The following SOWAHB variants were observed in gnomAD, a reference collection of about 807,000 sequenced individuals.
SOWAHB encodes the protein sosondowah ankyrin repeat domain family member B.
A neutral mutation model predicts 18.3 loss-of-function variants in SOWAHB; 17 were observed. The observed-to-expected ratio is 0.93, with a 90% confidence interval of 0.64 to 1.40. The LOEUF (loss-of-function observed/expected upper bound fraction) is 1.40, where lower values mean the gene tolerates loss of function less well. Ranked by LOEUF, SOWAHB falls within the 40% of genes most tolerant of loss-of-function variation. The pLI, the probability that SOWAHB is intolerant of heterozygous loss-of-function variation, is 0.00. For missense variants in SOWAHB, 1,126 were observed against 1,033.7 expected (o/e 1.09, Z -1.22); for synonymous variants, 496 against 448.1 (o/e 1.11, Z -1.35).
rs1719969023 is a variant in SOWAHB, at chr4:76,897,696, T to C, written c.154A>G (p.Lys52Glu). ...SQHQHRRELF[K>E]GFVNSVAAVR... ...GCGGCGACCGAGTTGACGAAGCCCT[T>C]GAAGAGCTCGCGGCGGTGCTGGTGC... Residue 52 changes from lysine to glutamate, a missense_variant, in exon 1 of 1, where the codon AAG becomes GAG. Transcript: ENST00000334306. The surrounding 1 kb of genome is among the most constrained non-coding windows in gnomAD (Gnocchi z 6.4). 3.1e-6 allele frequency: 5 copies of C among 1,611,738 alleles called. No homozygotes were observed. Among genetic ancestry groups the C allele is most frequent in the Non-Finnish European group, 4.2e-6 (5 of 1,179,860 alleles).
Position 76,897,356 on chromosome 4 carries a change from C to G in SOWAHB, c.494G>C (p.Gly165Ala). The part of the protein sequence containing the change: ...RAPGKGGGSK[G>A]SPGQRPPVPA... ...CACCGGCGGCCTCTGTCCGGGACTG[C>G]CCTTCGATCCGCCGCCCTTCCCGGG... The change falls in exon 1 of 1, where the codon GGC (glycine) becomes GCC (alanine). Residue 165 changes from glycine to alanine, a missense_variant. Gly to Ala is a moderately conservative substitution (Grantham distance 60). Coordinates refer to ENST00000334306, the MANE Select transcript of SOWAHB (RefSeq NM_001029870.3). The surrounding 1 kb of genome is among the most constrained non-coding windows in gnomAD (Gnocchi z 6.4). 6.5e-7 allele frequency: 1 copy of G among 1,532,078 alleles called. No homozygotes were observed. The highest frequency in any genetic ancestry group is 8.7e-7 in the Non-Finnish European group (1 of 1,146,072). 94.9% of individuals were successfully genotyped at this position (1,532,078 alleles called of 1,614,324 possible). A position where few individuals can be genotyped will look rare whatever the true frequency, so the allele number is the denominator to read the frequency against.
Position 76,895,998 on chromosome 4 carries a change from C to A in SOWAHB, c.1852G>T (p.Glu618Ter). 1 of 1,613,898 alleles carries A rather than the reference C, an allele frequency of 6.2e-7. No homozygotes were observed. Among genetic ancestry groups the A allele is most frequent in the Non-Finnish European group, 8.5e-7 (1 of 1,180,004 alleles). Residue 618 changes from glutamate (E) to a stop codon, truncating the protein, a stop_gained, in exon 1 of 1, where the codon GAG becomes TAG. Transcript: ENST00000334306. LOFTEE classifies it high-confidence loss of function. ...TTGTGCAAGGCCAGTTGAGGGTCCT[C>A]CCAGAACAAAGTCCACACCTGAATC... ...SWIQVWTLFW[E>*]DPQLALHKDF...
At position 76,894,192 on chromosome 4, in the gene SOWAHB, C is replaced by A. The variant is rs961970591; in HGVS notation, c.*1276G>T. 5.9e-5 allele frequency among the ~76,000 whole-genome samples: 9 copies of A among 152,202 alleles called. No individual in the cohort carries two copies. Among genetic ancestry groups the A allele is most frequent in the Non-Finnish European group, 8.8e-5 (6 of 67,988 alleles). ...AGATCTATTGATCTTTTAATGGGGGCAAATAACCAGAAGAAACACAAAAAG... is the reference window on the plus strand; with the variant it reads ...AGATCTATTGATCTTTTAATGGGGGAAAATAACCAGAAGAAACACAAAAAG... On this transcript the variant is annotated 3_prime_UTR_variant, in exon 1 of 1. Coordinates refer to ENST00000334306, the MANE Select transcript of SOWAHB (RefSeq NM_001029870.3).
chr4:76,896,950 CTGCAGGGTCGAATAA>C lies in SOWAHB; in HGVS notation c.885_899del (p.His295_Leu299del), dbSNP rs568457238. 6,750 of 1,605,424 alleles carry C rather than the reference CTGCAGGGTCGAATAA, an allele frequency of 4.2e-3. 18 individuals carry two copies. The highest frequency in any genetic ancestry group is 4.7e-3 in the Non-Finnish European group (5,512 of 1,176,748). ...ACTCTCGAGTGCGCTGCTGCTGCTG[CTGCAGGGTCGAATAA>C]TGCAGGGAGCTGGGGGTCAGCAGCT... is the stretch of plus-strand genomic sequence containing the variant. On this transcript the variant is annotated inframe_deletion, in exon 1 of 1. Coordinates refer to ENST00000334306, the MANE Select transcript of SOWAHB (RefSeq NM_001029870.3).
In SOWAHB at chr4:76,897,190, G is replaced by C. The variant is rs769737922; in HGVS notation, c.660C>G (p.Thr220=). Residue 220 remains threonine, a synonymous_variant, in exon 1 of 1, where the codon ACC becomes ACG. Transcript: ENST00000334306. The surrounding 1 kb of genome is among the most constrained non-coding windows in gnomAD (Gnocchi z 6.4). The part of the protein sequence containing the change: ...GELGALPHSA[T]AEEKPARALP... Reference sequence around the variant, plus strand: ...GAGCCCGTGCCGGCTTCTCCTCCGCGGTGGCCGAGTGCGGGAGTGCGCCGA... The same window carrying C: ...GAGCCCGTGCCGGCTTCTCCTCCGCCGTGGCCGAGTGCGGGAGTGCGCCGA... 19 of 1,578,592 alleles carry C rather than the reference G, an allele frequency of 1.2e-5. No individual in the cohort carries two copies. Among genetic ancestry groups the C allele is most frequent in the Non-Finnish European group, 1.5e-5 (18 of 1,170,776 alleles).
chr4:76,897,437 G>A lies in SOWAHB; in HGVS notation c.413C>T (p.Ala138Val). 1.3e-6 allele frequency: 2 copies of A among 1,512,524 alleles called. No individual in the cohort carries two copies. Among genetic ancestry groups the A allele is most frequent in the South Asian group, 1.2e-5 (1 of 81,382 alleles). 93.7% of individuals were successfully genotyped at this position (1,512,524 alleles called of 1,614,324 possible). The change falls in exon 1 of 1, where the codon GCC (alanine) becomes GTC (valine). Residue 138 changes from alanine to valine, a missense_variant. Coordinates refer to ENST00000334306, the MANE Select transcript of SOWAHB (RefSeq NM_001029870.3). This position sits in a 1 kb window ranked among gnomAD's most constrained non-coding sequence, Gnocchi z 6.4. ...EPEEEPAGAA[A>V]RAADAACNGL... ...ATTGCAAGCTGCGTCGGCGGCTCTG[G>A]CTGCTGCACCTGCTGGCTCCTCCTC...
rs1436627036 is a variant in SOWAHB at position 76,896,936 on chromosome 4, C to T, written c.914G>A (p.Arg305His). 5 of 1,608,384 alleles carry T rather than the reference C, an allele frequency of 3.1e-6. No homozygotes were observed. The highest frequency in any genetic ancestry group is 1.3e-5 in the African/African-American group (1 of 74,792). ...HYSTLQQQQQ[R>H]TREWVARHPQ... Reference sequence around the variant, plus strand: ...GTGCCTGGCCACCCACTCTCGAGTGCGCTGCTGCTGCTGCTGCAGGGTCGA... The same window carrying T: ...GTGCCTGGCCACCCACTCTCGAGTGTGCTGCTGCTGCTGCTGCAGGGTCGA... The change falls in exon 1 of 1, where the codon CGC becomes CAC. Residue 305 changes from arginine to histidine, a missense_variant. Arg to His is a conservative substitution (Grantham distance 29). Transcript: ENST00000334306.
chr4:76,895,431 G>T lies in SOWAHB; in HGVS notation c.*37C>A. Reference sequence around the variant, plus strand: ...TGAATTCTCTCACTGAGCAGGATGAGGGAGTGCTGCCTGCATGTTGGACAG... The same window carrying T: ...TGAATTCTCTCACTGAGCAGGATGATGGAGTGCTGCCTGCATGTTGGACAG... On this transcript the variant is annotated 3_prime_UTR_variant, in exon 1 of 1. Coordinates refer to ENST00000334306, the MANE Select transcript of SOWAHB (RefSeq NM_001029870.3). 1.3e-6 allele frequency: 2 copies of T among 1,530,644 alleles called. No homozygotes were observed. Among genetic ancestry groups the T allele is most frequent in the South Asian group, 1.3e-5 (1 of 77,944 alleles). 94.8% of individuals were successfully genotyped at this position (1,530,644 alleles called of 1,614,324 possible).
chr4:76,897,710 C>T lies in SOWAHB; in HGVS notation c.140G>A (p.Arg47His), dbSNP rs143856345. 5.5e-5 allele frequency: 88 copies of T among 1,611,232 alleles called. No homozygotes were observed. The African/African-American group carries it at 1.0e-3, about 18-fold the overall frequency. Residue 47 changes from arginine (R) to histidine (H), a missense_variant, in exon 1 of 1, where the codon CGC becomes CAC. Transcript: ENST00000334306. This position sits in a 1 kb window ranked among gnomAD's most constrained non-coding sequence, Gnocchi z 6.4. The stretch of plus-strand genomic sequence containing the variant: ...GACGAAGCCCTTGAAGAGCTCGCGG[C>T]GGTGCTGGTGCTGGCTGGGGGACGC... Reference protein sequence around the residue: ...PDASPSQHQHRRELFKGFVNS... With the variant: ...PDASPSQHQHHRELFKGFVNS...
At position 76,897,694 on chromosome 4, in the gene SOWAHB, C is replaced by T; in HGVS notation, c.156G>A (p.Lys52=). Residue 52 remains lysine (K), a synonymous_variant, in exon 1 of 1, where the codon AAG becomes AAA. Coordinates refer to ENST00000334306, the MANE Select transcript of SOWAHB (RefSeq NM_001029870.3). The surrounding 1 kb of genome is among the most constrained non-coding windows in gnomAD (Gnocchi z 6.4). ...SQHQHRRELF[K]GFVNSVAAVR... Reference sequence around the variant, plus strand: ...CTGCGGCGACCGAGTTGACGAAGCCCTTGAAGAGCTCGCGGCGGTGCTGGT... The same window carrying T: ...CTGCGGCGACCGAGTTGACGAAGCCTTTGAAGAGCTCGCGGCGGTGCTGGT... 1 of 1,611,924 alleles carries T rather than the reference C, an allele frequency of 6.2e-7. No homozygotes were observed. The highest frequency in any genetic ancestry group is 1.1e-5 in the South Asian group (1 of 91,070).
rs1481341001 is a variant in SOWAHB, at chr4:76,897,173, G to A, written c.677C>T (p.Ala226Val). 9 of 1,569,126 alleles carry A rather than the reference G, an allele frequency of 5.7e-6. No individual in the cohort carries two copies. Among genetic ancestry groups the A allele is most frequent in the Admixed American group, 1.8e-5 (1 of 55,464 alleles). Residue 226 changes from alanine to valine, a missense_variant, in exon 1 of 1, where the codon GCA (alanine) becomes GTA (valine). Coordinates refer to ENST00000334306, the MANE Select transcript of SOWAHB (RefSeq NM_001029870.3). This position sits in a 1 kb window ranked among gnomAD's most constrained non-coding sequence, Gnocchi z 6.4. ...GTCATCCTGGGCAGGCAGAGCCCGTGCCGGCTTCTCCTCCGCGGTGGCCGA... is the reference window on the plus strand; with the variant it reads ...GTCATCCTGGGCAGGCAGAGCCCGTACCGGCTTCTCCTCCGCGGTGGCCGA... Reference protein sequence around the residue: ...PHSATAEEKPARALPAQDDRG... With the variant: ...PHSATAEEKPVRALPAQDDRG...
chr4:76,897,034 C>A lies in SOWAHB; in HGVS notation c.816G>T (p.Pro272=), dbSNP rs747270049. The part of the protein sequence containing the change: ...TVEAATSRAS[P]PALLPGPAPR... ...GAGCGGGGCCGGGCAGGAGAGCAGG[C>A]GGGGAAGCCCTGCTTGTCGCAGCCT... The change falls in exon 1 of 1, where the codon CCG becomes CCT. Residue 272 remains proline (P), a synonymous_variant. Coordinates refer to ENST00000334306, the MANE Select transcript of SOWAHB (RefSeq NM_001029870.3). This position sits in a 1 kb window ranked among gnomAD's most constrained non-coding sequence, Gnocchi z 6.4. 1.3e-6 allele frequency: 2 copies of A among 1,547,842 alleles called. No homozygotes were observed. The highest frequency in any genetic ancestry group is 2.3e-5 in the South Asian group (2 of 85,480).
At position 76,897,429 on chromosome 4, in the gene SOWAHB, C is replaced by T. The variant is rs751515024; in HGVS notation, c.421G>A (p.Ala141Thr). The T allele has an allele frequency of 6.6e-7, 1 of 1,517,090 alleles. No homozygotes were observed. The highest frequency in any genetic ancestry group is 1.2e-5 in the South Asian group (1 of 81,944). The allele number at this position is 1,517,090 out of a possible 1,614,324, so 94.0% of individuals were successfully genotyped here. ...GGGAGTCCATTGCAAGCTGCGTCGGCGGCTCTGGCTGCTGCACCTGCTGGC... is the reference window on the plus strand; with the variant it reads ...GGGAGTCCATTGCAAGCTGCGTCGGTGGCTCTGGCTGCTGCACCTGCTGGC... ...EEPAGAAARA[A>T]DAACNGLPGS... The change falls in exon 1 of 1, where the codon GCC becomes ACC. Residue 141 changes from alanine (A) to threonine (T), a missense_variant. Physicochemically the swap from Ala to Thr is moderately conservative, Grantham distance 58. Coordinates refer to ENST00000334306, the MANE Select transcript of SOWAHB (RefSeq NM_001029870.3). This position sits in a 1 kb window ranked among gnomAD's most constrained non-coding sequence, Gnocchi z 6.4.
Position 76,896,693 on chromosome 4 carries a change from C to G in SOWAHB, c.1157G>C (p.Arg386Pro). The change falls in exon 1 of 1, where the codon CGT becomes CCT. Residue 386 changes from arginine to proline, a missense_variant. Physicochemically the swap from Arg to Pro is moderately radical, Grantham distance 103 (BLOSUM62 -2). Coordinates refer to ENST00000334306, the MANE Select transcript of SOWAHB (RefSeq NM_001029870.3). ...CAGATCTTGGAGGGACAGCTGACAA[C>G]GAATGCTGCGAAAGACAGTCAATGA... ...NPSLTVFRSI[R>P]CQLSLQDLDD... is the part of the protein sequence containing the mutation. The G allele has an allele frequency of 6.2e-7, 1 of 1,614,030 alleles. No homozygotes were observed. Among genetic ancestry groups the G allele is most frequent in the Non-Finnish European group, 8.5e-7 (1 of 1,180,036 alleles).
Position 76,895,238 on chromosome 4 carries a change from C to G in SOWAHB, c.*230G>C. 1 of 463,198 alleles carries G rather than the reference C, an allele frequency of 2.2e-6. No individual in the cohort carries two copies. Among genetic ancestry groups the G allele is most frequent in the South Asian group, 4.4e-5 (1 of 22,714 alleles). The allele number at this position is 463,198 out of a possible 1,614,324, so 28.7% of individuals were successfully genotyped here. Reference sequence around the variant, plus strand: ...AAGAATGCCTCCTAGATATCAAGCACCTGGCCCCGCCTCTTGTCTAGGTTT... The same window carrying G: ...AAGAATGCCTCCTAGATATCAAGCAGCTGGCCCCGCCTCTTGTCTAGGTTT... On this transcript the variant is annotated 3_prime_UTR_variant, in exon 1 of 1. Coordinates refer to ENST00000334306, the MANE Select transcript of SOWAHB (RefSeq NM_001029870.3).
rs777278883 is a variant in SOWAHB, at chr4:76,896,871, C to G, written c.979G>C (p.Ala327Pro). The G allele has an allele frequency of 6.2e-7, 1 of 1,613,472 alleles. No individual in the cohort carries two copies. Among genetic ancestry groups the G allele is most frequent in the Non-Finnish European group, 8.5e-7 (1 of 1,179,996 alleles). Residue 327 changes from alanine (A) to proline (P), a missense_variant, in exon 1 of 1, where the codon GCC (alanine) becomes CCC (proline). Transcript: ENST00000334306. ...AAGTTGTCTGGCAGCACCGACCAGG[C>G]GCGGATAGGGCCCTGATCACGGGCC... ...PEARDQGPIR[A>P]WSVLPDNFLQ...
Position 76,896,141 on chromosome 4 carries a change from G to C in SOWAHB, c.1709C>G (p.Pro570Arg). 6.4e-7 allele frequency: 1 copy of C among 1,564,870 alleles called. No homozygotes were observed. The change falls in exon 1 of 1, where the codon CCC becomes CGC. Residue 570 changes from proline (P) to arginine (R), a missense_variant. By Grantham distance (103) the Pro-to-Arg change is moderately radical. Coordinates refer to ENST00000334306, the MANE Select transcript of SOWAHB (RefSeq NM_001029870.3). ...CAAGGCTGCAGACCCCTCCCCACTG[G>C]GGACCCACAGGCTGTGTCGCCAACC... ...ERGWRHSLWV[P>R]SGEGSAALAP...
chr4:76,895,858 G>GT lies in SOWAHB; in HGVS notation c.1991dup (p.Asn664LysfsTer51). 6.2e-7 allele frequency: 1 copy of GT among 1,614,190 alleles called. No homozygotes were observed. The highest frequency in any genetic ancestry group is 2.2e-5 in the East Asian group (1 of 44,882). On this transcript the variant is annotated frameshift_variant, in exon 1 of 1. Transcript: ENST00000334306. LOFTEE classifies it high-confidence loss of function. ...GGGTATATCCACAACTGGACCTCAC[G>GT]TTTACATCAAGGACAATCCCTGCCT...
rs1719909348 is a variant in SOWAHB, at chr4:76,896,257, C to T, written c.1593G>A (p.Lys531=). 2 of 1,601,018 alleles carry T rather than the reference C, an allele frequency of 1.2e-6. No individual in the cohort carries two copies. Among genetic ancestry groups the T allele is most frequent in the African/African-American group, 1.3e-5 (1 of 74,340 alleles). The part of the protein sequence containing the change: ...KRSRRPPRSR[K]PSKAGTAPSP... Reference sequence around the variant, plus strand: ...TGGGTGCCGTTCCTGCCTTGGAGGGCTTCCTGGATCGAGGTGGGCGCCGAC... The same window carrying T: ...TGGGTGCCGTTCCTGCCTTGGAGGGTTTCCTGGATCGAGGTGGGCGCCGAC... The change falls in exon 1 of 1, where the codon AAG becomes AAA. Residue 531 remains lysine, a synonymous_variant. Coordinates refer to ENST00000334306, the MANE Select transcript of SOWAHB (RefSeq NM_001029870.3).
Sources: gnomAD v4.1 joint callset for allele counts (sites outside exome capture counted in the v4.1 genomes callset) on GRCh38, gnomAD v4.1.1 for gene constraint, Gnocchi (gnomAD v3.1) non-coding constraint, MANE v1.5 for transcripts, NCBI Gene and HGNC (gene_info 2026-07-23, HGNC 2026-07-21) for gene names.